Variants in MAPK10 observed in about 807,000 individuals in gnomAD.
MAPK10 encodes JNK3 alpha protein kinase.
MAPK10 carries 25 observed loss-of-function variants against 59.3 expected under a neutral mutation model. The observed-to-expected ratio is 0.42, with a 90% CI of 0.31 to 0.59. MAPK10 has a LOEUF of 0.59. Among genes scored for constraint, MAPK10 ranks in the 20% least tolerant of loss-of-function variants. The pLI is 0.15. For missense variants in MAPK10, 351 were observed against 568.9 expected (o/e 0.62, Z 3.90); for synonymous variants, 190 against 200.5 (o/e 0.95, Z 0.44).
At chr4:86,109,606 G>A (rs963189403) in intron 4 of MAPK10, among the ~76,000 whole-genome samples, 1 of 152,170 alleles carries the variant, frequency 6.6e-6, no homozygotes, top group African/African-American at 2.4e-5. Flanking sequence ...TGATGCATAT[G>A]TACCACATTT....
At position 86,103,190 on chromosome 4, in the gene MAPK10, C is replaced by G. The variant is rs1304596003; in HGVS notation, c.421G>C (p.Asp141His). ...TTCATGAGTTTTGTTACTTACACATCTTGGAACTCCTCCAGCGTTTTCTGG... is the reference window on the plus strand; with the variant it reads ...TTCATGAGTTTTGTTACTTACACATGTTGGAACTCCTCCAGCGTTTTCTGG... The part of the protein sequence containing the change: ...TPQKTLEEFQ[D>H]VYLVMELMDA... Residue 141 changes from aspartate (D) to histidine (H), a missense_variant, in exon 6 of 14, where the codon GAT (aspartate) becomes CAT (histidine). Asp to His is a moderately conservative substitution (Grantham distance 81). Coordinates refer to ENST00000641462, the MANE Select transcript of MAPK10 (RefSeq NM_138982.4). 1 of 1,604,602 alleles carries G rather than the reference C, an allele frequency of 6.2e-7. No homozygotes were observed. The highest frequency in any genetic ancestry group is 1.1e-5 in the South Asian group (1 of 90,932).
At chr4:86,406,669 G>A (rs151044506) in intron 1 of MAPK10, among the ~76,000 whole-genome samples, 2 of 152,298 alleles carry the variant, frequency 1.3e-5, no homozygotes, top group African/African-American at 4.8e-5. Flanking sequence ...AAAGGCACCA[G>A]GTTCAAGAGG....
chr4:86,063,533 T>C (rs1463620051), intron 11 of MAPK10, among the ~76,000 whole-genome samples: 1 of 152,038 alleles, frequency 6.6e-6, no homozygotes, highest in African/African-American at 2.4e-5. Flanking sequence ...AGGAGGCCTA[T>C]AGAACACACA....
chr4:86,445,670 A>C (rs1387813597), intron 1 of MAPK10, among the ~76,000 whole-genome samples: 3 of 152,232 alleles, frequency 2.0e-5, no homozygotes, highest in Non-Finnish European at 4.4e-5. Flanking sequence ...AGCAAAAATA[A>C]GAATTACATC....
At chr4:86,277,525 T>G (rs951797681) in intron 2 of MAPK10, among the ~76,000 whole-genome samples, 4 of 152,168 alleles carry the variant, frequency 2.6e-5, no homozygotes, top group Non-Finnish European at 5.9e-5. Context: ...AAGCTTAAAT[T>G]TGATGCTTGG....
chr4:86,156,787 T>C (rs779915743), intron 4 of MAPK10, among the ~76,000 whole-genome samples: 16 of 152,036 alleles, frequency 1.1e-4, no homozygotes, highest in Admixed American at 4.6e-4. Flanking sequence ...GACCCTCTTC[T>C]GATGATTGGA....
chr4:86,369,710 T>C (rs185903834), intron 1 of MAPK10, among the ~76,000 whole-genome samples: 1 of 152,282 alleles, frequency 6.6e-6, no homozygotes, highest in East Asian at 1.9e-4. Context: ...ATCTTGAAAA[T>C]TGTCCAAATT....
intron 4 of MAPK10, among the ~76,000 whole-genome samples, chr4:86,142,739 T>A (rs1250803778): frequency 6.6e-6 from 1 of 152,162 alleles, no homozygotes; most frequent in African/African-American, 2.4e-5. Flanking sequence ...GGACTGGATA[T>A]CAGTTACCAG....
chr4:86,214,093 T>G (rs2086650207), intron 2 of MAPK10, among the ~76,000 whole-genome samples: 1 of 152,050 alleles, frequency 6.6e-6, no homozygotes, highest in Non-Finnish European at 1.5e-5. Context: ...AATCAATCTA[T>G]GTAGTATATC....
intron 11 of MAPK10, among the ~76,000 whole-genome samples, chr4:86,033,156 T>C (rs1578856524): frequency 6.6e-6 from 1 of 152,158 alleles, no homozygotes; most frequent in East Asian, 1.9e-4. Context: ...ATGAGTAAAA[T>C]GAAGTTATTT....
intron 1 of MAPK10, among the ~76,000 whole-genome samples, chr4:86,411,376 C>G (rs1436266944): frequency 6.6e-6 from 1 of 152,202 alleles, no homozygotes; most frequent in Non-Finnish European, 1.5e-5. Context: ...AATGTATACT[C>G]TGTTGATTTG....
intron 5 of MAPK10, among the ~76,000 whole-genome samples, chr4:86,106,201 T>G (rs958948685): frequency 6.6e-6 from 1 of 152,164 alleles, no homozygotes; most frequent in Non-Finnish European, 1.5e-5. Flanking sequence ...CAAATATCTT[T>G]CAACTTAATA....
intron 3 of MAPK10, among the ~76,000 whole-genome samples, chr4:86,178,996 A>G (rs1482963502): frequency 6.6e-6 from 1 of 151,998 alleles, no homozygotes; most frequent in Non-Finnish European, 1.5e-5. Flanking sequence ...AGGTCAGGAG[A>G]TTGAGACCAT....
intron 2 of MAPK10, among the ~76,000 whole-genome samples, chr4:86,346,937 TTTA>T (rs1311681333): frequency 2.6e-5 from 4 of 152,120 alleles, no homozygotes; most frequent in African/African-American, 9.7e-5. Context: ...AAAGAGTATC[TTTA>T]TTAAGATTTA....
intron 1 of MAPK10, among the ~76,000 whole-genome samples, chr4:86,530,342 A>T (rs1227643092): frequency 1.3e-5 from 2 of 152,226 alleles, no homozygotes; most frequent in Non-Finnish European, 2.9e-5. Flanking sequence ...CCTAGCTCAT[A>T]GCAGACTTTC....
chr4:86,232,591 T>G (rs1175332120), intron 2 of MAPK10, among the ~76,000 whole-genome samples: 1 of 152,160 alleles, frequency 6.6e-6, no homozygotes, highest in Non-Finnish European at 1.5e-5. Context: ...GCCAGGATGG[T>G]CTTCATCTCC....
At chr4:86,410,932 C>CTAGCTTAGTTATT (rs1745087173) in intron 1 of MAPK10, among the ~76,000 whole-genome samples, 1 of 151,884 alleles carries the variant, frequency 6.6e-6, no homozygotes, top group South Asian at 2.1e-4. Flanking sequence ...TTATTTCTTG[C>CTAGCTTAGTTATT]CTTCTGCTAG....
chr4:86,140,904 G>A (rs927291733), intron 4 of MAPK10, among the ~76,000 whole-genome samples: 1 of 151,938 alleles, frequency 6.6e-6, no homozygotes, highest in African/African-American at 2.4e-5. Context: ...AGTGTCAAAA[G>A]CACTGTGTTT....
chr4:86,515,096 G>A (rs1157176032), intron 1 of MAPK10, among the ~76,000 whole-genome samples: 5 of 151,996 alleles, frequency 3.3e-5, no homozygotes, highest in Admixed American at 2.6e-4. Flanking sequence ...GAGAACATTC[G>A]TTGTTTGGGT....
Sources: allele counts gnomAD v4.1 joint callset (sites outside exome capture counted in the v4.1 genomes callset), GRCh38; gene constraint gnomAD v4.1.1; transcripts MANE v1.5; gene names NCBI Gene and HGNC (gene_info 2026-07-23, HGNC 2026-07-21).